The following KIF20B variants were observed in gnomAD, a reference collection of about 807,000 sequenced individuals.
KIF20B encodes kinesin family member 20B.
In KIF20B, 188 loss-of-function variants were observed where a neutral mutation model predicts 232.5. That is an observed-to-expected ratio of 0.81 (90% confidence interval 0.72 to 0.91). The LOEUF (loss-of-function observed/expected upper bound fraction) is 0.91, where lower values mean the gene tolerates loss of function less well. Ranked by LOEUF, KIF20B falls within the 40% of genes least tolerant of loss-of-function variation. The pLI is 0.00. For synonymous variants in KIF20B, 712 were observed against 683.0 expected, an observed-to-expected ratio of 1.04 and a Z score of -0.66; for missense variants, 2,154 against 2,055.9, an observed-to-expected ratio of 1.05 and a Z score of -0.92.
At chr10:89,760,699 G>T (rs1382119699) in intron 28 of KIF20B, 63 bp downstream of exon 28, 1 of 966,694 alleles carries the variant, frequency 1.0e-6, no homozygotes, top group East Asian at 2.5e-5. Flanking sequence ...TAAATAACAC[G>T]TACAAGTAAG....
intron 23 of KIF20B, among the ~76,000 whole-genome samples, chr10:89,746,961 T>A (rs192339197): frequency 6.0e-4 from 91 of 152,312 alleles, no homozygotes; most frequent in African/African-American, 2.1e-3. Context: ...CAGTATTTTG[T>A]GAAAAATAAA....
intron 22 of KIF20B, among the ~76,000 whole-genome samples, chr10:89,744,144 G>GA (rs534629834): frequency 2.3e-4 from 35 of 151,900 alleles, no homozygotes; most frequent in African/African-American, 3.9e-4. Flanking sequence ...CTATGGAAAA[G>GA]AAAAAATAAT....
At chr10:89,772,495 G>A (rs1171863731) in intron 31 of KIF20B, among the ~76,000 whole-genome samples, 194 bp from the exon 32 acceptor site, 1 of 151,596 alleles carries the variant, frequency 6.6e-6, no homozygotes, top group African/African-American at 2.4e-5. Context: ...ATTATTTCAT[G>A]TTCTCTTGAC....
At chr10:89,753,986 T>A (rs914966982) in intron 25 of KIF20B, among the ~76,000 whole-genome samples, 2 of 151,926 alleles carry the variant, frequency 1.3e-5, no homozygotes, top group African/African-American at 4.8e-5. Flanking sequence ...TTTATATATA[T>A]TATTAAATGC....
At position 89,726,471 on chromosome 10, in the gene KIF20B, C is replaced by T; in HGVS notation, c.2180C>T (p.Thr727Ile). The T allele has an allele frequency of 6.2e-7, 1 of 1,604,088 alleles. No individual in the cohort carries two copies. ...CAAATTAAAGCTGAATTAGCTAAAA[C>T]CAAAGGAGAATTAATCAAAACCAAA... ...FNQIKAELAKTKGELIKTKEE... is the reference protein window; with the variant it reads ...FNQIKAELAKIKGELIKTKEE... The change falls in exon 16 of 33, where the codon ACC becomes ATC. Residue 727 changes from threonine (T) to isoleucine (I), a missense_variant. Transcript: ENST00000371728.
At chr10:89,723,829 A>G (rs1843118037) in intron 13 of KIF20B, 135 bp from the exon 14 acceptor site, 1 of 760,828 alleles carries the variant, frequency 1.3e-6, no homozygotes, top group African/African-American at 1.8e-5. Context: ...TTTCAGTGAG[A>G]ACATTATCAC....
Position 89,726,291 on chromosome 10 carries a change from A to G in KIF20B, c.2002-2A>G, listed in dbSNP as rs905235296. ...TAGGCATGTGGTTTTTGCTATTTTT[A>G]GGAAACACATAATTATGTAGGATTT... is the stretch of plus-strand genomic sequence containing the variant. On this transcript the variant is annotated splice_acceptor_variant, in intron 15 of 32. Coordinates refer to ENST00000371728, the MANE Select transcript of KIF20B (RefSeq NM_001284259.2). LOFTEE classifies it high-confidence loss of function. The G allele has an allele frequency of 1.3e-6, 2 of 1,543,422 alleles. No homozygotes were observed. Among genetic ancestry groups the G allele is most frequent in the Non-Finnish European group, 1.7e-6 (2 of 1,143,826 alleles).
chr10:89,743,747 T>G (rs1841853627), intron 21 of KIF20B, 61 bp from the exon 22 acceptor site: 1 of 1,152,020 alleles, frequency 8.7e-7, no homozygotes, highest in Non-Finnish European at 1.2e-6. Context: ...GAATCTTAAA[T>G]AACAAAAAGC....
intron 21 of KIF20B, among the ~76,000 whole-genome samples, chr10:89,743,040 C>G (rs995288040): frequency 3.9e-5 from 6 of 152,040 alleles, no homozygotes; most frequent in Non-Finnish European, 7.4e-5. Flanking sequence ...CATTTAATTT[C>G]CTTCCGTTTT....
At chr10:89,742,792 C>T (rs546826160) in intron 21 of KIF20B, among the ~76,000 whole-genome samples, 328 of 151,166 alleles carry the variant, frequency 2.2e-3, no homozygotes, top group African/African-American at 7.3e-3. Flanking sequence ...CTCCACCTCC[C>T]GGGTTCAAGC....
intron 22 of KIF20B, among the ~76,000 whole-genome samples, chr10:89,744,497 A>G (rs893718121): frequency 2.0e-5 from 3 of 152,186 alleles, no homozygotes; most frequent in African/African-American, 7.2e-5. Context: ...TAAATGTACC[A>G]TGGTAGTGTA....
chr10:89,719,376 C>G, intron 12 of KIF20B, 43 bp from the exon 13 acceptor site: 1 of 1,368,466 alleles, frequency 7.3e-7, no homozygotes, highest in Non-Finnish European at 1.0e-6. Context: ...GTGGACAGTT[C>G]TTGTCTTTTC....
At chr10:89,709,004 A>G (rs1044052635) in intron 2 of KIF20B, among the ~76,000 whole-genome samples, 163 bp from the exon 3 acceptor site, 2 of 152,098 alleles carry the variant, frequency 1.3e-5, no homozygotes, top group Non-Finnish European at 2.9e-5. Context: ...ATTTAAATAG[A>G]TTTATTGAGT....
intron 19 of KIF20B, among the ~76,000 whole-genome samples, chr10:89,735,752 A>T (rs985457674): frequency 2.0e-5 from 3 of 151,742 alleles, no homozygotes; most frequent in African/African-American, 7.3e-5. Flanking sequence ...GTTGGCCAGG[A>T]TGGTCTCGAT....
chr10:89,765,275 C>A (rs1436439004), intron 29 of KIF20B, among the ~76,000 whole-genome samples: 1 of 152,096 alleles, frequency 6.6e-6, no homozygotes, highest in East Asian at 1.9e-4. Flanking sequence ...TGAGTGAACT[C>A]CCATTCGCAA....
chr10:89,735,605 T>C (rs1394961380), intron 19 of KIF20B, among the ~76,000 whole-genome samples: 1 of 148,476 alleles, frequency 6.7e-6, no homozygotes, highest in Non-Finnish European at 1.5e-5. Context: ...TGGCATGATC[T>C]TGGCTCACTG....
In KIF20B at chr10:89,757,875, T is replaced by G. The variant is rs1842162000; in HGVS notation, c.4504-831T>G. ...GTTATTCTGTTGTTCCAGCCCCATTTATTGGGAAGATTGTCCTTCCTTTTA... is the reference window on the plus strand; with the variant it reads ...GTTATTCTGTTGTTCCAGCCCCATTGATTGGGAAGATTGTCCTTCCTTTTA... On this transcript the variant is annotated intron_variant, in intron 26 of 32. Coordinates refer to ENST00000371728, the MANE Select transcript of KIF20B (RefSeq NM_001284259.2). Among the ~76,000 whole-genome samples the G allele has an allele frequency of 2.0e-5, 3 of 151,864 alleles. No individual in the cohort carries two copies. The South Asian group carries it at 6.2e-4, about 31-fold the overall frequency.
chr10:89,706,543 T>C (rs970787838), intron 2 of KIF20B, among the ~76,000 whole-genome samples: 7 of 152,056 alleles, frequency 4.6e-5, no homozygotes, highest in African/African-American at 1.2e-4. Flanking sequence ...TGAGTAGTTA[T>C]ATCTGTGGTC....
At chr10:89,728,091 A>T (rs1589861621) in intron 17 of KIF20B, among the ~76,000 whole-genome samples, 195 bp downstream of exon 17, 1 of 152,050 alleles carries the variant, frequency 6.6e-6, no homozygotes, top group African/African-American at 2.4e-5. Flanking sequence ...ACTTGTATTT[A>T]TCCTTTCAAA....
Sources: allele counts gnomAD v4.1 joint callset (sites outside exome capture counted in the v4.1 genomes callset), GRCh38; gene constraint gnomAD v4.1.1; transcripts MANE v1.5; gene names NCBI Gene and HGNC (gene_info 2026-07-23, HGNC 2026-07-21).